Variants in TMEM116 observed in about 807,000 individuals in gnomAD.
The protein encoded by TMEM116 is transmembrane protein 116.
A neutral mutation model predicts 44.3 loss-of-function variants in TMEM116; 38 were observed. The ratio of observed to expected loss-of-function variants is 0.86; its 90% CI spans 0.66 to 1.12. TMEM116 has a LOEUF of 1.12. Among genes scored for constraint, TMEM116 ranks in the 50% most tolerant of loss-of-function variants. TMEM116 has a pLI of 0.00. For synonymous variants in TMEM116, 132 were observed against 144.8 expected (o/e 0.91, Z 0.64); for missense variants, 354 against 401.7 (o/e 0.88, Z 1.01).
At chr12:112,009,950 G>T (rs1463803886) in intron 1 of TMEM116, among the ~76,000 whole-genome samples, 1 of 152,102 alleles carries the variant, frequency 6.6e-6, no homozygotes, top group African/African-American at 2.4e-5. Flanking sequence ...TTTATACTGA[G>T]AAGTGAATAA....
intron 4 of TMEM116, among the ~76,000 whole-genome samples, chr12:111,945,762 T>G (rs904928933): frequency 3.7e-4 from 56 of 152,216 alleles, no homozygotes; most frequent in African/African-American, 1.3e-3. Flanking sequence ...CTCATACAGA[T>G]AGTCCCTAAC....
rs892131698 is a variant in TMEM116, at chr12:111,969,009, A to AG, written c.210+22748_210+22749insC. On this transcript the variant is annotated intron_variant, in intron 4 of 10. Coordinates refer to ENST00000552374, the MANE Select transcript of TMEM116 (RefSeq NM_001193531.2). ...CTCTATCTCAAAAAAAAAAAAAAAA[A>AG]AAAAGAAAAGAAAAGAAAAAAAAGA... Among the ~76,000 whole-genome samples, 12 of 150,286 alleles carry AG rather than the reference A, an allele frequency of 8.0e-5. No homozygotes were observed. The South Asian group carries it at 1.0e-3, about 13-fold the overall frequency.
At chr12:111,970,051 G>A (rs1019454094) in intron 4 of TMEM116, among the ~76,000 whole-genome samples, 1 of 152,100 alleles carries the variant, frequency 6.6e-6, no homozygotes, top group Admixed American at 6.5e-5. Context: ...CAGATCACTT[G>A]AGGTCAGGAG....
At chr12:111,972,832 C>T (rs910282099) in intron 4 of TMEM116, among the ~76,000 whole-genome samples, 1 of 151,952 alleles carries the variant, frequency 6.6e-6, no homozygotes, top group Non-Finnish European at 1.5e-5. Context: ...GCTGAGATCG[C>T]TCCATTGCAC....
chr12:111,940,500 T>C (rs3030013), intron 5 of TMEM116, among the ~76,000 whole-genome samples: 1,161 of 64,790 alleles, frequency 0.018, 20 homozygotes, highest in African/African-American at 0.077. Flanking sequence ...CACACACACA[T>C]ATATATACAC....
chr12:111,954,657 A>C (rs572096537), intron 4 of TMEM116, among the ~76,000 whole-genome samples: 1 of 152,364 alleles, frequency 6.6e-6, no homozygotes, highest in East Asian at 1.9e-4. Flanking sequence ...GATCGACTGC[A>C]AACTACAGCT....
intron 5 of TMEM116, among the ~76,000 whole-genome samples, chr12:111,939,608 G>A (rs2072499662): frequency 6.6e-6 from 1 of 150,734 alleles, no homozygotes; most frequent in Admixed American, 6.6e-5. Flanking sequence ...GACTAGCCTA[G>A]GCAACATAGT....
At position 111,985,776 on chromosome 12, in the gene TMEM116, T is replaced by C. The variant is rs549231999; in HGVS notation, c.210+5982A>G. 1.2e-4 allele frequency among the ~76,000 whole-genome samples: 18 copies of C among 152,172 alleles called. No homozygotes were observed. The East Asian group carries it at 2.7e-3, about 23-fold the overall frequency. On this transcript the variant is annotated intron_variant, in intron 4 of 10. Transcript: ENST00000552374. ...CACACCCAGCTAATTTTTGTATTTT[T>C]TGTAGAGACGAGGTCTCGCCATGTT...
intron 4 of TMEM116, among the ~76,000 whole-genome samples, chr12:111,968,024 A>C (rs1014498436): frequency 1.3e-5 from 2 of 152,146 alleles, no homozygotes; most frequent in African/African-American, 4.8e-5. Context: ...GAGTCCAAGG[A>C]GACCAAGGTA....
At chr12:111,932,808 G>C in intron 9 of TMEM116, 149 bp from the exon 10 acceptor site, 1 of 637,286 alleles carries the variant, frequency 1.6e-6, no homozygotes, top group Non-Finnish European at 2.8e-6. Context: ...AAACCAATGA[G>C]TCTTAGGCCT....
intron 9 of TMEM116, 137 bp downstream of exon 9, chr12:111,933,749 G>C: frequency 2.0e-6 from 2 of 1,003,690 alleles, no homozygotes; most frequent in East Asian, 2.6e-5. Flanking sequence ...ACCTGCCTCA[G>C]CCTCCCAAAG....
chr12:111,952,446 AGCAG>A (rs2073803028), intron 4 of TMEM116, among the ~76,000 whole-genome samples: 1 of 152,228 alleles, frequency 6.6e-6, no homozygotes, highest in Non-Finnish European at 1.5e-5. Context: ...ATAATTTAAA[AGCAG>A]GCCACATAAA....
intron 4 of TMEM116, among the ~76,000 whole-genome samples, chr12:111,990,618 A>G (rs1273077798): frequency 6.6e-6 from 1 of 152,240 alleles, no homozygotes; most frequent in Non-Finnish European, 1.5e-5. Flanking sequence ...CCCTCTAGTA[A>G]CAAATTCCAA....
At chr12:111,998,922 G>C (rs973591435) in intron 3 of TMEM116, among the ~76,000 whole-genome samples, 30 of 152,164 alleles carry the variant, frequency 2.0e-4, no homozygotes, top group Admixed American at 3.3e-4. Flanking sequence ...AGGACAAAAC[G>C]AGGTGAGGTT....
At chr12:112,002,390 T>C (rs1221772792) in intron 3 of TMEM116, among the ~76,000 whole-genome samples, 2 of 132,846 alleles carry the variant, frequency 1.5e-5, no homozygotes, top group Non-Finnish European at 3.2e-5. Flanking sequence ...CGAAACTCTG[T>C]CTCAAAAAAA....
chr12:111,943,462 C>A (rs2073026291), intron 4 of TMEM116, 93 bp from the exon 5 acceptor site: 2 of 871,494 alleles, frequency 2.3e-6, no homozygotes, highest in Non-Finnish European at 3.7e-6. Context: ...TTATGAGAAT[C>A]CTACCTACTA....
At chr12:111,956,022 C>T (rs536917241) in intron 4 of TMEM116, among the ~76,000 whole-genome samples, 24 of 152,296 alleles carry the variant, frequency 1.6e-4, no homozygotes, top group African/African-American at 5.8e-4. Context: ...GACTGTATTT[C>T]TGATGGCTTA....
At chr12:111,969,141 A>C (rs2136442417) in intron 4 of TMEM116, among the ~76,000 whole-genome samples, 1 of 151,508 alleles carries the variant, frequency 6.6e-6, no homozygotes, top group African/African-American at 2.4e-5. Context: ...ACCAACGTGG[A>C]GAAATCCCGT....
At chr12:111,999,172 T>C (rs148875756) in intron 3 of TMEM116, among the ~76,000 whole-genome samples, 3 of 151,846 alleles carry the variant, frequency 2.0e-5, no homozygotes, top group East Asian at 3.9e-4. Context: ...ATCCTAAACA[T>C]GAAAGCAAAA....
Sources: gnomAD v4.1 joint callset for allele counts (sites outside exome capture counted in the v4.1 genomes callset) on GRCh38, gnomAD v4.1.1 for gene constraint, MANE v1.5 for transcripts, NCBI Gene and HGNC (gene_info 2026-07-23, HGNC 2026-07-21) for gene names.